The following BBS7 variants were observed in gnomAD, a reference collection of about 807,000 sequenced individuals.
BBS7 encodes the protein Bardet-Biedl syndrome 7, also known as BBSome complex member BBS7.
A neutral mutation model predicts 90.3 loss-of-function variants in BBS7; 50 were observed. The observed-to-expected ratio is 0.55, with a 90% CI of 0.44 to 0.70. The LOEUF (loss-of-function observed/expected upper bound fraction) is 0.70. BBS7 is among the 30% of genes least tolerant of loss of function. The pLI is 0.00. For missense variants in BBS7, 729 were observed against 838.9 expected, an observed-to-expected ratio of 0.87 and a Z score of 1.62; for synonymous variants, 235 against 287.4, an observed-to-expected ratio of 0.82 and a Z score of 1.85.
chr4:121,826,506 C>T (rs2706794), intron 18 of BBS7, among the ~76,000 whole-genome samples: 3,791 of 152,250 alleles, frequency 0.025, 149 homozygotes, highest in East Asian at 0.19. Flanking sequence ...GCTGTCAATC[C>T]TTTATCCAAA....
intron 15 of BBS7, among the ~76,000 whole-genome samples, chr4:121,829,516 A>G (rs7675328): frequency 0.056 from 8,543 of 152,210 alleles, 255 homozygotes; most frequent in South Asian, 0.082. Context: ...GATTACAGGC[A>G]TGAGCTACTG....
rs114160632 is a variant in BBS7, at chr4:121,843,315, A to G, written c.1305+612T>C. 7.3e-3 allele frequency among the ~76,000 whole-genome samples: 1,116 copies of G among 152,326 alleles called. 12 individuals are homozygous for G. The highest frequency in any genetic ancestry group is 0.026 in the African/African-American group (1,062 of 41,562). On this transcript the variant is annotated intron_variant, in intron 12 of 18. Transcript: ENST00000264499. ...GAAGACGTCTCTGGTGGTAGTGTAC[A>G]TACAGCATATCCTAGAAGTCAGAGG...
Position 121,847,503 on chromosome 4 carries a change from C to A in BBS7, c.938G>T (p.Trp313Leu). 1.2e-6 allele frequency: 2 copies of A among 1,607,720 alleles called. No individual in the cohort carries two copies. Among genetic ancestry groups the A allele is most frequent in the Non-Finnish European group, 1.7e-6 (2 of 1,174,454 alleles). ...DEIVVSTYSG[W>L]VTGLTTEPIH... ...GGGCTCTGTTGTCAGACCTGTAACC[C>A]AGCCTGTAGAGATGAATTACAATCA... Residue 313 changes from tryptophan to leucine, a missense_variant, in exon 10 of 19, where the codon TGG becomes TTG. Coordinates refer to ENST00000264499, the MANE Select transcript of BBS7 (RefSeq NM_176824.3).
chr4:121,863,998 A>G (rs1032630240), intron 2 of BBS7, among the ~76,000 whole-genome samples: 9 of 152,184 alleles, frequency 5.9e-5, no homozygotes, highest in African/African-American at 2.2e-4. Flanking sequence ...TCATTTACAG[A>G]CTGAGCTCCG....
Position 121,855,704 on chromosome 4 carries a change from C to T in BBS7, c.529-143G>A, listed in dbSNP as rs76863221. 259 of 758,796 alleles carry T rather than the reference C, an allele frequency of 3.4e-4. 3 individuals carry two copies. The Middle Eastern group carries it at 3.4e-3, about 10-fold the overall frequency. 47.0% of individuals were successfully genotyped at this position (758,796 alleles called of 1,614,324 possible). A position where few individuals can be genotyped will look rare whatever the true frequency, so the allele number is the denominator to read the frequency against. On this transcript the variant is annotated intron_variant, in intron 5 of 18. Transcript: ENST00000264499. The stretch of plus-strand genomic sequence containing the variant: ...TTTAAAAATTAGGTTACGAATACAA[C>T]TTGCATTTGTTAGCAATTTTGCATA...
At chr4:121,860,339 T>G (rs1726906992) in intron 4 of BBS7, among the ~76,000 whole-genome samples, 1 of 152,126 alleles carries the variant, frequency 6.6e-6, no homozygotes, top group Non-Finnish European at 1.5e-5. Flanking sequence ...GGATATGTGG[T>G]GACTAATGTT....
intron 7 of BBS7, 140 bp downstream of exon 7, chr4:121,854,560 CAAAT>C: frequency 4.0e-6 from 3 of 757,412 alleles, no homozygotes; most frequent in Non-Finnish European, 5.7e-6. Flanking sequence ...ATAGACCTGA[CAAAT>C]AAACAAATAG....
intron 1 of BBS7, 86 bp downstream of exon 1, chr4:121,870,192 C>T (rs546242783): frequency 4.5e-5 from 71 of 1,575,610 alleles, no homozygotes; most frequent in African/African-American, 6.7e-5. Flanking sequence ...CTCCTGGCGA[C>T]CGAGACTTTC....
At chr4:121,841,896 GATAAT>G (rs746364081) in intron 12 of BBS7, among the ~76,000 whole-genome samples, 34 of 151,930 alleles carry the variant, frequency 2.2e-4, no homozygotes, top group Non-Finnish European at 4.0e-4. Flanking sequence ...ACCACATATT[GATAAT>G]ATAATACAAC....
In BBS7 at chr4:121,844,140, T is replaced by C. The variant is rs976460309; in HGVS notation, c.1231-139A>G. The C allele has an allele frequency of 4.9e-6, 3 of 609,214 alleles. No individual in the cohort carries two copies. The African/African-American group carries it at 5.6e-5, about 11-fold the overall frequency. The allele number at this position is 609,214 out of a possible 1,614,324, so 37.7% of individuals were successfully genotyped here. A position where few individuals can be genotyped will look rare whatever the true frequency, so the allele number is the denominator to read the frequency against. On this transcript the variant is annotated intron_variant, in intron 11 of 18. Coordinates refer to ENST00000264499, the MANE Select transcript of BBS7 (RefSeq NM_176824.3). Reference sequence around the variant, plus strand: ...TGAGAGTATGAATTCTCTTAACTTATACTTGATAGTATATACTTCCAGAAA... The same window carrying C: ...TGAGAGTATGAATTCTCTTAACTTACACTTGATAGTATATACTTCCAGAAA...
At chr4:121,869,235 C>T (rs1727454317) in intron 1 of BBS7, among the ~76,000 whole-genome samples, 2 of 152,052 alleles carry the variant, frequency 1.3e-5, no homozygotes, top group African/African-American at 4.8e-5. Context: ...AACATTTGTA[C>T]CATTAACTAA....
intron 2 of BBS7, among the ~76,000 whole-genome samples, chr4:121,865,573 C>A (rs1278846049): frequency 1.3e-5 from 2 of 152,168 alleles, no homozygotes; most frequent in Non-Finnish European, 2.9e-5. Context: ...GAATAGTATT[C>A]CATTGTGTAT....
At chr4:121,860,169 C>T (rs1726900201) in intron 4 of BBS7, among the ~76,000 whole-genome samples, 1 of 152,012 alleles carries the variant, frequency 6.6e-6, no homozygotes, top group African/African-American at 2.4e-5. Flanking sequence ...AGTCCTCTTA[C>T]TATTTTTATC....
intron 4 of BBS7, among the ~76,000 whole-genome samples, chr4:121,859,414 C>G (rs183785368): frequency 4.1e-4 from 63 of 152,018 alleles, no homozygotes; most frequent in African/African-American, 1.2e-3. Flanking sequence ...AAACTGAGCT[C>G]AGAAAAATGG....
chr4:121,828,027 T>C, intron 18 of BBS7, 119 bp downstream of exon 18: 1 of 1,533,576 alleles, frequency 6.5e-7, no homozygotes, highest in Non-Finnish European at 8.7e-7. Flanking sequence ...TCATGACTGG[T>C]TCATGAATCA....
chr4:121,862,978 G>T (rs1200808686), intron 3 of BBS7, among the ~76,000 whole-genome samples: 2 of 151,972 alleles, frequency 1.3e-5, no homozygotes, highest in Non-Finnish European at 2.9e-5. Flanking sequence ...CCTAAATTTG[G>T]GGTAATATAT....
intron 3 of BBS7, 151 bp from the exon 4 acceptor site, chr4:121,861,830 G>T: frequency 1.3e-6 from 1 of 755,214 alleles, no homozygotes; most frequent in Non-Finnish European, 2.1e-6. Context: ...ATATACTTCA[G>T]CAGGTCTTCA....
At chr4:121,841,393 C>CAAAAAAT (rs1335038630) in intron 12 of BBS7, among the ~76,000 whole-genome samples, 2 of 151,610 alleles carry the variant, frequency 1.3e-5, no homozygotes, top group Non-Finnish European at 2.9e-5. Flanking sequence ...CCCATTTCTA[C>CAAAAAAT]AAAAAATAAA....
At chr4:121,862,078 G>C (rs11731917) in intron 3 of BBS7, among the ~76,000 whole-genome samples, 1 of 151,884 alleles carries the variant, frequency 6.6e-6, no homozygotes, top group Admixed American at 6.6e-5. Context: ...ATACTCCTAC[G>C]AACAGGGAAG....
Sources: gnomAD v4.1 joint callset for allele counts (sites outside exome capture counted in the v4.1 genomes callset) on GRCh38, gnomAD v4.1.1 for gene constraint, MANE v1.5 for transcripts, NCBI Gene and HGNC (gene_info 2026-07-23, HGNC 2026-07-21) for gene names.